KCNT2: variants seen among roughly 807,000 people sequenced by gnomAD.
The protein encoded by KCNT2 is potassium sodium-activated channel subfamily T member 2.
Under a neutral mutation model 153.8 loss-of-function variants are expected in KCNT2, and 67 were observed. That is an observed-to-expected ratio of 0.44 (90% CI 0.36 to 0.53). The LOEUF (loss-of-function observed/expected upper bound fraction) is 0.53. Among genes scored for constraint, KCNT2 ranks in the 20% least tolerant of loss-of-function variants. The pLI is 0.00. For synonymous variants in KCNT2, 500 were observed against 458.8 expected, an observed-to-expected ratio of 1.09 and a Z score of -1.15; for missense variants, 975 against 1,354.8, an observed-to-expected ratio of 0.72 and a Z score of 4.40.
intron 16 of KCNT2, 67 bp downstream of exon 16, chr1:196,340,274 T>C (rs2148151184): frequency 1.0e-6 from 1 of 967,776 alleles, no homozygotes; most frequent in Non-Finnish European, 1.5e-6. Context: ...TTTAAATGCA[T>C]TGGTATTTAT....
chr1:196,465,678 C>G (rs1234289870), intron 7 of KCNT2, among the ~76,000 whole-genome samples: 1 of 151,808 alleles, frequency 6.6e-6, no homozygotes, highest in Non-Finnish European at 1.5e-5. Flanking sequence ...CACTTACTCC[C>G]CCAAACCCCT....
At chr1:196,344,831 C>A (rs1362955717) in intron 14 of KCNT2, among the ~76,000 whole-genome samples, 1 of 152,044 alleles carries the variant, frequency 6.6e-6, no homozygotes, top group Non-Finnish European at 1.5e-5. Flanking sequence ...TGGCACATTG[C>A]CCCTCAGGCA....
intron 8 of KCNT2, among the ~76,000 whole-genome samples, chr1:196,435,541 C>G (rs1487614966): frequency 6.6e-6 from 1 of 151,490 alleles, no homozygotes; most frequent in Non-Finnish European, 1.5e-5. Context: ...ATTTTAGTCA[C>G]ATTTCATTCT....
intron 13 of KCNT2, among the ~76,000 whole-genome samples, chr1:196,391,782 TAGG>T (rs990285237): frequency 4.0e-5 from 6 of 151,362 alleles, no homozygotes; most frequent in African/African-American, 1.5e-4. Flanking sequence ...ACATTAACAT[TAGG>T]AGAAGCTGTG....
At position 196,390,899 on chromosome 1, in the gene KCNT2, T is replaced by C. The variant is rs987890383; in HGVS notation, c.1294+7664A>G. ...TAAGATCTCATTCATTCTTTTTTTT[T>C]TTTTTTTTTAAAAAAAAACATATGT... On this transcript the variant is annotated intron_variant, in intron 13 of 27. Coordinates refer to ENST00000294725, the MANE Select transcript of KCNT2 (RefSeq NM_198503.5). 8.1e-5 allele frequency among the ~76,000 whole-genome samples: 12 copies of C among 148,862 alleles called. No individual in the cohort carries two copies. In the South Asian group the frequency reaches 2.3e-3, roughly 29 times the overall value.
chr1:196,435,153 A>ATT (rs1484415216), intron 8 of KCNT2, among the ~76,000 whole-genome samples: 1 of 109,792 alleles, frequency 9.1e-6, no homozygotes. Flanking sequence ...ATATATATAT[A>ATT]TATATATATA....
chr1:196,604,717 TA>T (rs1665126479), intron 1 of KCNT2, among the ~76,000 whole-genome samples: 1 of 151,294 alleles, frequency 6.6e-6, no homozygotes, highest in Non-Finnish European at 1.5e-5. Flanking sequence ...ACATATATTA[TA>T]ATATATATTA....
At chr1:196,487,612 A>T (rs1679537127) in intron 3 of KCNT2, among the ~76,000 whole-genome samples, 1 of 152,012 alleles carries the variant, frequency 6.6e-6, no homozygotes, top group Non-Finnish European at 1.5e-5. Flanking sequence ...TAATCAATAT[A>T]CAAAAAAGAA....
chr1:196,344,284 G>A lies in KCNT2; in HGVS notation c.1404-2056C>T, dbSNP rs1209484576. ...TACATCTTCCTCATTGCTAAATTCC[G>A]GAGCTATTTTAAATAAACCTAGTCG... On this transcript the variant is annotated intron_variant, in intron 14 of 27. Transcript: ENST00000294725. Among the ~76,000 whole-genome samples the A allele has an allele frequency of 1.3e-4, 20 of 152,140 alleles. No individual in the cohort carries two copies. The Middle Eastern group carries it at 0.01, about 78-fold the overall frequency.
intron 1 of KCNT2, among the ~76,000 whole-genome samples, chr1:196,539,443 CTAA>C (rs1190899007): frequency 6.6e-6 from 1 of 151,974 alleles, no homozygotes; most frequent in Non-Finnish European, 1.5e-5. Context: ...TATAAATTTC[CTAA>C]TATTAGTATA....
Position 196,369,660 on chromosome 1 carries a change from C to T in KCNT2, c.1403+3480G>A, listed in dbSNP as rs566161456. On this transcript the variant is annotated intron_variant, in intron 14 of 27. Coordinates refer to ENST00000294725, the MANE Select transcript of KCNT2 (RefSeq NM_198503.5). ...TCCCTACAAAGGACATGAACTCATC[C>T]TTTTTTATGGCTGCATAATAATCCA... is the stretch of plus-strand genomic sequence containing the variant. Among the ~76,000 whole-genome samples, 7 of 152,226 alleles carry T rather than the reference C, an allele frequency of 4.6e-5. 1 individual carries two copies. In the South Asian group the frequency reaches 1.5e-3, roughly 32 times the overall value.
intron 22 of KCNT2, 32 bp downstream of exon 22, chr1:196,305,202 A>T (rs1397221902): frequency 8.2e-7 from 1 of 1,217,834 alleles, no homozygotes. Context: ...AAGATGGTTA[A>T]ATCTAATTTA....
In KCNT2 at chr1:196,482,303, A is replaced by G. The variant is rs780013984; in HGVS notation, c.324+28T>C. The G allele has an allele frequency of 2.7e-6, 4 of 1,470,450 alleles. No individual in the cohort carries two copies. The East Asian group carries it at 7.0e-5, about 26-fold the overall frequency. 91.1% of individuals were successfully genotyped at this position (1,470,450 alleles called of 1,614,324 possible). ...GTGAAATGTGAATAAACCCAGAGAT[A>G]TAGGGATAAAACAAAATTGTACATA... On this transcript the variant is annotated intron_variant, in intron 4 of 27. Coordinates refer to ENST00000294725, the MANE Select transcript of KCNT2 (RefSeq NM_198503.5).
At chr1:196,379,404 C>T (rs973642782) in intron 13 of KCNT2, among the ~76,000 whole-genome samples, 1 of 152,038 alleles carries the variant, frequency 6.6e-6, no homozygotes, top group Non-Finnish European at 1.5e-5. Context: ...AACCCAGTCT[C>T]TACCAAAAAT....
intron 14 of KCNT2, among the ~76,000 whole-genome samples, chr1:196,348,904 G>C (rs547548509): frequency 6.6e-6 from 1 of 151,840 alleles, no homozygotes; most frequent in African/African-American, 2.4e-5. Context: ...ATGCCTGGGC[G>C]TGGTGGTGCA....
intron 22 of KCNT2, among the ~76,000 whole-genome samples, chr1:196,289,299 A>G (rs936755703): frequency 1.3e-5 from 2 of 151,956 alleles, no homozygotes; most frequent in Non-Finnish European, 2.9e-5. Context: ...CTTGAATATA[A>G]CCTGTTAAAA....
chr1:196,413,707 T>C (rs1672524695), intron 12 of KCNT2, among the ~76,000 whole-genome samples: 2 of 151,702 alleles, frequency 1.3e-5, no homozygotes, highest in Non-Finnish European at 1.5e-5. Context: ...ATTTTGGCCA[T>C]TCACAGAAAA....
intron 1 of KCNT2, among the ~76,000 whole-genome samples, chr1:196,595,968 C>G (rs1259635554): frequency 6.6e-6 from 1 of 151,292 alleles, no homozygotes; most frequent in Non-Finnish European, 1.5e-5. Flanking sequence ...AGTTACTTCA[C>G]TTAGAATAAT....
chr1:196,311,210 G>A (rs1383841686), intron 21 of KCNT2, among the ~76,000 whole-genome samples: 1 of 151,566 alleles, frequency 6.6e-6, no homozygotes, highest in Non-Finnish European at 1.5e-5. Context: ...TAAATGACTG[G>A]CTTAATACCT....
Sources: allele counts gnomAD v4.1 joint callset (sites outside exome capture counted in the v4.1 genomes callset), GRCh38; gene constraint gnomAD v4.1.1; transcripts MANE v1.5; gene names NCBI Gene and HGNC (gene_info 2026-07-23, HGNC 2026-07-21).